IL1RAPL1: variants seen among roughly 807,000 people sequenced by gnomAD.
IL1RAPL1 encodes interleukin-1 receptor accessory protein-like 1.
In IL1RAPL1, 3 loss-of-function variants were observed where a neutral mutation model predicts 48.4. The observed-to-expected ratio is 0.06, with a 90% CI of 0.03 to 0.16. IL1RAPL1 has a LOEUF of 0.16. IL1RAPL1 is among the 10% of genes least tolerant of loss of function. IL1RAPL1 has a pLI of 1.00. For synonymous variants in IL1RAPL1, 185 were observed against 187.7 expected, an observed-to-expected ratio of 0.99 and a Z score of 0.12; for missense variants, 349 against 530.6, an observed-to-expected ratio of 0.66 and a Z score of 3.36.
At chrX:29,086,562 C>G (rs1055901098) in intron 2 of IL1RAPL1, among the ~76,000 whole-genome samples, 2 of 111,752 alleles carry the variant, frequency 1.8e-5, no homozygotes, top group African/African-American at 6.5e-5. Flanking sequence ...CAAGTTATTT[C>G]TATTCTGTGT....
chrX:29,879,496 A>G (rs1931982983), intron 6 of IL1RAPL1, among the ~76,000 whole-genome samples: 1 of 108,675 alleles, frequency 9.2e-6, no homozygotes, highest in African/African-American at 3.3e-5. Flanking sequence ...TCCCAGTATG[A>G]AAATTTTAAA....
intron 6 of IL1RAPL1, among the ~76,000 whole-genome samples, chrX:29,758,795 CA>C (rs990292050): frequency 4.2e-4 from 46 of 110,111 alleles, no homozygotes; most frequent in African/African-American, 6.6e-4. Context: ...CAAAACAAAA[CA>C]AAAAAACAAA....
At chrX:29,213,003 T>C (rs748392562) in intron 2 of IL1RAPL1, among the ~76,000 whole-genome samples, 1 of 111,308 alleles carries the variant, frequency 9.0e-6, no homozygotes, top group South Asian at 3.8e-4. Flanking sequence ...ACAACTTTTT[T>C]TTTTCTTTTT....
intron 6 of IL1RAPL1, among the ~76,000 whole-genome samples, chrX:29,814,009 G>A (rs1388485780): frequency 3.6e-5 from 4 of 111,921 alleles, no homozygotes; most frequent in African/African-American, 9.7e-5. Flanking sequence ...AAGCTAGGTT[G>A]ATTCCATGTC....
intron 2 of IL1RAPL1, among the ~76,000 whole-genome samples, chrX:29,042,867 C>T (rs1210779329): frequency 8.9e-6 from 1 of 111,831 alleles, no homozygotes; most frequent in Admixed American, 9.5e-5. Context: ...AGTAATAAGT[C>T]ATGGAGAAAA....
At chrX:28,693,914 C>T (rs1220847526) in intron 1 of IL1RAPL1, among the ~76,000 whole-genome samples, 1 of 111,984 alleles carries the variant, frequency 8.9e-6, no homozygotes, top group Non-Finnish European at 1.9e-5. Flanking sequence ...ACAAGGAATG[C>T]TGGTTAAGTA....
rs1382910769 is a variant in IL1RAPL1 at position 29,519,657 on chromosome X, T to A, written c.703+120349T>A. On this transcript the variant is annotated intron_variant, in intron 5 of 10. Transcript: ENST00000378993. ...CGTGTTCATCTGGGTGTGACAGTTT[T>A]TTCTAAGTCACTTCTGCCATAGCTT... 4.5e-5 allele frequency among the ~76,000 whole-genome samples: 5 copies of A among 112,037 alleles called. No individual in the cohort carries two copies. In the Admixed American group the frequency reaches 4.8e-4, roughly 11 times the overall value.
chrX:28,768,703 T>C (rs6526801), intron 1 of IL1RAPL1, among the ~76,000 whole-genome samples: 2,794 of 58,209 alleles, frequency 0.048, 158 homozygotes, highest in East Asian at 0.085. Context: ...CTCTCTCTGT[T>C]TCTCTCTCTC....
At chrX:29,281,013 G>T (rs1452660574) in intron 2 of IL1RAPL1, among the ~76,000 whole-genome samples, 1 of 112,049 alleles carries the variant, frequency 8.9e-6, no homozygotes, top group Non-Finnish European at 1.9e-5. Context: ...TTAGATGTTA[G>T]ATATAATTTT....
chrX:28,615,199 G>GTTTTT lies in IL1RAPL1; in HGVS notation c.-25+27183_-25+27187dup, dbSNP rs778402885. ...CACTGCGCCTGGCCAACTGTTGTCT[G>GTTTTT]TTTTTTTTTTTTTTTTTTTTTTTTT... On this transcript the variant is annotated intron_variant, in intron 1 of 10. Coordinates refer to ENST00000378993, the MANE Select transcript of IL1RAPL1 (RefSeq NM_014271.4). Among the ~76,000 whole-genome samples the GTTTTT allele has an allele frequency of 6.8e-3, 177 of 26,014 alleles. 20 individuals carry two copies. The highest frequency in any genetic ancestry group is 8.2e-3 in the Non-Finnish European group (119 of 14,516). 22.6% of individuals were successfully genotyped at this position (26,014 alleles called of 115,157 possible). A position where few individuals can be genotyped will look rare whatever the true frequency, so the allele number is the denominator to read the frequency against.
intron 2 of IL1RAPL1, among the ~76,000 whole-genome samples, chrX:29,070,295 T>C (rs943515944): frequency 2.7e-5 from 3 of 111,884 alleles, no homozygotes; most frequent in African/African-American, 9.7e-5. Context: ...CGCTAGCTTA[T>C]GCTGTACTTA....
intron 2 of IL1RAPL1, among the ~76,000 whole-genome samples, chrX:29,092,045 TA>T (rs1428386285): frequency 1.8e-5 from 2 of 111,475 alleles, no homozygotes; most frequent in Non-Finnish European, 3.8e-5. Context: ...CCATTGCAAA[TA>T]AAAAATCTGT....
chrX:29,925,412 G>GGTTTTTT (rs1932878684), intron 8 of IL1RAPL1, among the ~76,000 whole-genome samples: 1 of 11,467 alleles, frequency 8.7e-5, no homozygotes, highest in Admixed American at 1.7e-3. Context: ...TCCCGTAACT[G>GGTTTTTT]TTTTTTTTTT....
intron 1 of IL1RAPL1, among the ~76,000 whole-genome samples, chrX:28,615,378 T>G (rs1390520641): frequency 9.1e-6 from 1 of 109,565 alleles, no homozygotes; most frequent in Non-Finnish European, 1.9e-5. Flanking sequence ...TTCATAATTT[T>G]TCTTCTAAAA....
chrX:29,075,014 G>A (rs1332270560), intron 2 of IL1RAPL1, among the ~76,000 whole-genome samples: 6 of 111,784 alleles, frequency 5.4e-5, no homozygotes, highest in Admixed American at 1.9e-4. Flanking sequence ...AATAATCAAG[G>A]CATTTTATTT....
At chrX:29,630,218 C>T (rs1474710553) in intron 5 of IL1RAPL1, among the ~76,000 whole-genome samples, 2 of 110,388 alleles carry the variant, frequency 1.8e-5, no homozygotes, top group Non-Finnish European at 3.8e-5. Flanking sequence ...TACTAACTGC[C>T]TTTATGAGGA....
intron 6 of IL1RAPL1, among the ~76,000 whole-genome samples, chrX:29,720,481 T>A (rs1927608076): frequency 9.0e-6 from 1 of 111,582 alleles, no homozygotes; most frequent in African/African-American, 3.3e-5. Context: ...GAAACCATCA[T>A]TCTCAGCAAA....
At chrX:28,731,947 G>T (rs775956345) in intron 1 of IL1RAPL1, among the ~76,000 whole-genome samples, 2 of 111,664 alleles carry the variant, frequency 1.8e-5, no homozygotes, top group South Asian at 7.6e-4. Context: ...AGAAAACTGG[G>T]GCAAGAATCA....
intron 3 of IL1RAPL1, among the ~76,000 whole-genome samples, chrX:29,313,923 T>G (rs1932757693): frequency 8.9e-6 from 1 of 112,296 alleles, no homozygotes; most frequent in Non-Finnish European, 1.9e-5. Flanking sequence ...TAGGAAACAA[T>G]TCTGTAAATA....
Sources: allele counts gnomAD v4.1 joint callset (sites outside exome capture counted in the v4.1 genomes callset), GRCh38; gene constraint gnomAD v4.1.1; transcripts MANE v1.5; gene names NCBI Gene and HGNC (gene_info 2026-07-23, HGNC 2026-07-21).